Variants in NCKAP5 observed in about 807,000 individuals in gnomAD.
The protein encoded by NCKAP5 is NCK associated protein 5, also known as nck-associated protein 5.
A neutral mutation model predicts 167.0 loss-of-function variants in NCKAP5; 92 were observed. The observed-to-expected ratio is 0.55, with a 90% confidence interval of 0.47 to 0.66. The LOEUF (loss-of-function observed/expected upper bound fraction) is 0.66, where lower values mean the gene tolerates loss of function less well. Among genes scored for constraint, NCKAP5 ranks in the 30% least tolerant of loss-of-function variants. The pLI is 0.00. For synonymous variants in NCKAP5, 891 were observed against 877.4 expected (o/e 1.02, Z -0.27); for missense variants, 2,378 against 2,315.0 (o/e 1.03, Z -0.56).
intron 5 of NCKAP5, among the ~76,000 whole-genome samples, chr2:133,165,780 C>A (rs913010107): frequency 6.6e-6 from 1 of 152,066 alleles, no homozygotes; most frequent in Admixed American, 6.6e-5. Flanking sequence ...CTATTTGGCC[C>A]CTTAGATCCC....
At chr2:133,499,893 A>AG (rs1682341104) in intron 3 of NCKAP5, among the ~76,000 whole-genome samples, 1 of 152,220 alleles carries the variant, frequency 6.6e-6, no homozygotes, top group Non-Finnish European at 1.5e-5. Context: ...TTGATTTTTC[A>AG]GAAATGAATG....
intron 1 of NCKAP5, among the ~76,000 whole-genome samples, chr2:133,560,199 T>C (rs990211307): frequency 2.0e-5 from 3 of 152,180 alleles, no homozygotes; most frequent in African/African-American, 7.2e-5. Context: ...ATGAATATTT[T>C]CGTAAGTATA....
At chr2:132,691,413 A>G (rs762675779) in intron 19 of NCKAP5, among the ~76,000 whole-genome samples, 9 of 151,882 alleles carry the variant, frequency 5.9e-5, no homozygotes, top group Non-Finnish European at 1.2e-4. Flanking sequence ...ATTCTTCTCC[A>G]CACTATTTCT....
chr2:133,608,291 G>T, the NCKAP5 span, among the ~76,000 whole-genome samples: 1 of 152,044 alleles, frequency 6.6e-6, no homozygotes, highest in Non-Finnish European at 1.5e-5. Context: ...TTCTCAAATG[G>T]TCTTCATTCT....
At chr2:133,633,623 G>C in the NCKAP5 span, among the ~76,000 whole-genome samples, 1 of 152,200 alleles carries the variant, frequency 6.6e-6, no homozygotes, top group Non-Finnish European at 1.5e-5. Flanking sequence ...CAAACAGTTT[G>C]CATCTAATAA....
chr2:133,656,991 T>A, the NCKAP5 span, among the ~76,000 whole-genome samples: 1 of 152,284 alleles, frequency 6.6e-6, no homozygotes, highest in South Asian at 2.1e-4. Context: ...CCTCATAGCT[T>A]AGCTCCCACA....
At chr2:133,615,727 C>A in the NCKAP5 span, among the ~76,000 whole-genome samples, 2 of 152,282 alleles carry the variant, frequency 1.3e-5, no homozygotes, top group African/African-American at 4.8e-5. Context: ...CCACTGTCAA[C>A]ATTAGACAGA....
chr2:132,889,038 A>AT (rs1367033161), intron 8 of NCKAP5, among the ~76,000 whole-genome samples: 1 of 152,170 alleles, frequency 6.6e-6, no homozygotes, highest in Admixed American at 6.5e-5. Context: ...ATGAGCTACC[A>AT]TGTAGGCAGT....
At chr2:132,959,469 T>C (rs6725275) in intron 8 of NCKAP5, among the ~76,000 whole-genome samples, 12,654 of 152,066 alleles carry the variant, frequency 0.083, 1,515 homozygotes, top group African/African-American at 0.27. Context: ...AGAGATGCCA[T>C]GGGAGTTGGG....
chr2:133,206,963 G>C (rs2085977837), intron 5 of NCKAP5, among the ~76,000 whole-genome samples: 1 of 152,092 alleles, frequency 6.6e-6, no homozygotes, highest in African/African-American at 2.4e-5. Flanking sequence ...GTAAATTCTA[G>C]TCAGACCAGT....
At chr2:133,441,843 C>T (rs559600925) in intron 3 of NCKAP5, among the ~76,000 whole-genome samples, 2 of 152,118 alleles carry the variant, frequency 1.3e-5, no homozygotes, top group African/African-American at 2.4e-5. Flanking sequence ...GGAATTAATA[C>T]CATATCTAAG....
chr2:133,060,594 C>T (rs2079965178), intron 6 of NCKAP5, among the ~76,000 whole-genome samples: 1 of 152,110 alleles, frequency 6.6e-6, no homozygotes, highest in Non-Finnish European at 1.5e-5. Flanking sequence ...CTAATCCTTG[C>T]CCCCTTTTTA....
chr2:133,215,716 A>G (rs756802195), intron 4 of NCKAP5, among the ~76,000 whole-genome samples: 43 of 152,330 alleles, frequency 2.8e-4, no homozygotes, highest in Non-Finnish European at 5.9e-4. Flanking sequence ...AAGCAAGTAC[A>G]AAATGTATAT....
intron 3 of NCKAP5, among the ~76,000 whole-genome samples, chr2:133,498,480 A>AAGGAAGGC (rs1310524686): frequency 0.01 from 1,021 of 101,634 alleles, 8 homozygotes; most frequent in Non-Finnish European, 0.012. Context: ...GGAAGGAAGG[A>AAGGAAGGC]AGGCAGGCAG....
At chr2:133,492,170 T>TGTGTGTG (rs1559524824) in intron 3 of NCKAP5, among the ~76,000 whole-genome samples, 4 of 151,590 alleles carry the variant, frequency 2.6e-5, no homozygotes, top group Non-Finnish European at 4.4e-5. Context: ...TGTGTGTGTG[T>TGTGTGTG]TAAGGTCTAT....
intron 5 of NCKAP5, among the ~76,000 whole-genome samples, chr2:133,195,169 T>C (rs961907382): frequency 6.6e-6 from 1 of 152,130 alleles, no homozygotes; most frequent in Non-Finnish European, 1.5e-5. Flanking sequence ...GCTAGAGCTG[T>C]GTGCCAGGAC....
intron 4 of NCKAP5, among the ~76,000 whole-genome samples, chr2:133,235,748 T>C (rs1211588100): frequency 1.3e-5 from 2 of 151,174 alleles, no homozygotes; most frequent in African/African-American, 4.9e-5. Flanking sequence ...GTACTAAAAA[T>C]ACAAAATTAG....
At chr2:133,574,483 CT>C in the NCKAP5 span, among the ~76,000 whole-genome samples, 3 of 152,188 alleles carry the variant, frequency 2.0e-5, no homozygotes, top group African/African-American at 7.2e-5. Flanking sequence ...CAGCCAGCCC[CT>C]GAGTTCCTCC....
chr2:132,980,411 G>A (rs747996811), intron 7 of NCKAP5, among the ~76,000 whole-genome samples: 5 of 152,100 alleles, frequency 3.3e-5, no homozygotes, highest in Non-Finnish European at 5.9e-5. Context: ...GCACATTAGT[G>A]TTTTTTTGTT....
Sources: gnomAD v4.1 joint callset for allele counts (sites outside exome capture counted in the v4.1 genomes callset) on GRCh38, gnomAD v4.1.1 for gene constraint, MANE v1.5 for transcripts, NCBI Gene and HGNC (gene_info 2026-07-23, HGNC 2026-07-21) for gene names.